The following NRXN3 variants were observed in gnomAD, a reference collection of about 807,000 sequenced individuals.
The protein encoded by NRXN3 is neurexin 3.
NRXN3 carries 32 observed loss-of-function variants against 137.6 expected under a neutral mutation model. That is an observed-to-expected ratio of 0.23 (90% CI 0.18 to 0.31). NRXN3 has a LOEUF of 0.31. Among genes scored for constraint, NRXN3 ranks in the 10% least tolerant of loss-of-function variants. NRXN3 has a pLI of 1.00. For synonymous variants in NRXN3, 798 were observed against 784.5 expected (o/e 1.02, Z -0.29); for missense variants, 1,574 against 2,062.5 (o/e 0.76, Z 4.59).
At chr14:79,789,254 A>G (rs1371903709) in intron 19 of NRXN3, among the ~76,000 whole-genome samples, 4 of 152,140 alleles carry the variant, frequency 2.6e-5, no homozygotes, top group African/African-American at 9.7e-5. Flanking sequence ...TTTAGGATTC[A>G]TCCACATAAG....
At chr14:79,226,090 GA>G (rs1172795737) in intron 15 of NRXN3, among the ~76,000 whole-genome samples, 5 of 152,034 alleles carry the variant, frequency 3.3e-5, no homozygotes, top group Admixed American at 3.3e-4. Context: ...CAGCTCTGGG[GA>G]TTAGGATGTG....
chr14:79,299,777 G>A (rs1373962478), intron 15 of NRXN3, among the ~76,000 whole-genome samples: 1 of 152,008 alleles, frequency 6.6e-6, no homozygotes, highest in African/African-American at 2.4e-5. Flanking sequence ...CCTAGATGGA[G>A]GATTCAAGAA....
At chr14:79,018,999 A>G (rs543564141) in intron 15 of NRXN3, among the ~76,000 whole-genome samples, 1 of 152,320 alleles carries the variant, frequency 6.6e-6, no homozygotes, top group African/African-American at 2.4e-5. Context: ...CTTACTCAGT[A>G]AAGGCTTTCT....
chr14:79,375,534 C>A (rs147966920), intron 15 of NRXN3, among the ~76,000 whole-genome samples: 2 of 151,948 alleles, frequency 1.3e-5, no homozygotes, highest in African/African-American at 4.8e-5. Context: ...CTTTCCGCAG[C>A]GGGACGTGCA....
rs902547960 is a variant in NRXN3, at chr14:78,227,980, T to A, written c.-703-14411T>A. 3.9e-5 allele frequency among the ~76,000 whole-genome samples: 6 copies of A among 152,142 alleles called. No individual in the cohort carries two copies. The East Asian group carries it at 9.6e-4, about 24-fold the overall frequency. The stretch of plus-strand genomic sequence containing the variant: ...CCTCTGCTGGTGTCATTTTTGCTAA[T>A]ATGCCATTCAGCGAAAGCAAGTCAC... On this transcript the variant is annotated intron_variant, in intron 1 of 20. Transcript: ENST00000335750.
At chr14:79,268,113 G>A (rs1404710254) in intron 15 of NRXN3, among the ~76,000 whole-genome samples, 1 of 152,078 alleles carries the variant, frequency 6.6e-6, no homozygotes, top group East Asian at 1.9e-4. Context: ...CTGAAGAATC[G>A]ACAGTGATTG....
chr14:79,202,581 C>G (rs748769313), intron 15 of NRXN3, among the ~76,000 whole-genome samples: 7 of 152,166 alleles, frequency 4.6e-5, no homozygotes, highest in African/African-American at 1.2e-4. Context: ...CACTGTAATA[C>G]CTTTGCGTCC....
At chr14:78,520,566 G>A (rs546906541) in intron 4 of NRXN3, among the ~76,000 whole-genome samples, 23 of 152,232 alleles carry the variant, frequency 1.5e-4, no homozygotes, top group Admixed American at 2.6e-4. Context: ...AAAGAATACT[G>A]GATTTGAAAT....
intron 4 of NRXN3, among the ~76,000 whole-genome samples, chr14:78,481,253 A>G (rs891657890): frequency 6.6e-6 from 1 of 152,208 alleles, no homozygotes; most frequent in Non-Finnish European, 1.5e-5. Context: ...CTGTAGGGGA[A>G]CGCTGTGCAA....
At chr14:79,486,912 G>T (rs939614634) in intron 16 of NRXN3, among the ~76,000 whole-genome samples, 14 of 88,454 alleles carry the variant, frequency 1.6e-4, no homozygotes, top group African/African-American at 6.4e-4. Flanking sequence ...CTCTTTACAG[G>T]TTCTCTCTCT....
chr14:79,447,660 CT>C (rs1413127019), intron 15 of NRXN3, among the ~76,000 whole-genome samples: 2 of 152,142 alleles, frequency 1.3e-5, no homozygotes, highest in Non-Finnish European at 2.9e-5. Flanking sequence ...GAAATTTTGA[CT>C]ATATTTTTGG....
chr14:79,604,818 G>C (rs1010432089), intron 16 of NRXN3, among the ~76,000 whole-genome samples: 1 of 151,872 alleles, frequency 6.6e-6, no homozygotes. Context: ...GATCACTTGA[G>C]GTCAGGAGTT....
At chr14:78,615,044 C>G (rs1490797351) in intron 4 of NRXN3, 2 of 456,470 alleles carry the variant, frequency 4.4e-6, no homozygotes, top group Admixed American at 2.4e-5. Flanking sequence ...TAGGGATGCT[C>G]CTCGTATTTC....
chr14:79,149,474 A>C (rs2059603407), intron 15 of NRXN3, among the ~76,000 whole-genome samples: 1 of 152,126 alleles, frequency 6.6e-6, no homozygotes, highest in Non-Finnish European at 1.5e-5. Context: ...TGTATCTTTC[A>C]GAAAAAATCA....
At chr14:79,535,388 G>A (rs1004602867) in intron 16 of NRXN3, among the ~76,000 whole-genome samples, 4 of 152,120 alleles carry the variant, frequency 2.6e-5, no homozygotes, top group African/African-American at 7.2e-5. Context: ...AGCATGGATC[G>A]GTTGCAGCAT....
intron 10 of NRXN3, among the ~76,000 whole-genome samples, chr14:78,914,096 T>C (rs1440567886): frequency 6.6e-6 from 1 of 152,198 alleles, no homozygotes; most frequent in Non-Finnish European, 1.5e-5. Context: ...CTTCATTTGC[T>C]GTGATTTCCC....
intron 20 of NRXN3, among the ~76,000 whole-genome samples, chr14:79,823,301 T>C (rs78177896): frequency 0.051 from 7,832 of 152,248 alleles, 643 homozygotes; most frequent in African/African-American, 0.18. Context: ...TGAGTATTTA[T>C]TGGAAATCAG....
intron 19 of NRXN3, among the ~76,000 whole-genome samples, chr14:79,781,379 T>C (rs1043562246): frequency 2.0e-5 from 3 of 152,226 alleles, no homozygotes; most frequent in African/African-American, 7.2e-5. Flanking sequence ...GTAATTTATG[T>C]GATATGCCGA....
At chr14:79,669,760 T>C (rs542863343) in intron 17 of NRXN3, among the ~76,000 whole-genome samples, 1 of 152,136 alleles carries the variant, frequency 6.6e-6, no homozygotes, top group South Asian at 2.1e-4. Context: ...GGGAGCTTGT[T>C]AAAAATGCAG....
Sources: gnomAD v4.1 joint callset for allele counts (sites outside exome capture counted in the v4.1 genomes callset) on GRCh38, gnomAD v4.1.1 for gene constraint, MANE v1.5 for transcripts, NCBI Gene and HGNC (gene_info 2026-07-23, HGNC 2026-07-21) for gene names.